Variants in SEMA5A observed in about 807,000 individuals in gnomAD.
SEMA5A encodes semaphorin-5A.
Under a neutral mutation model 135.5 loss-of-function variants are expected in SEMA5A, and 55 were observed. That is an observed-to-expected ratio of 0.41 (90% CI 0.33 to 0.51). The LOEUF (loss-of-function observed/expected upper bound fraction) is 0.51, where lower values mean the gene tolerates loss of function less well. SEMA5A is among the 20% of genes least tolerant of loss of function. The pLI, the probability that SEMA5A is intolerant of heterozygous loss-of-function variation, is 0.37. For synonymous variants in SEMA5A, 580 were observed against 546.5 expected, an observed-to-expected ratio of 1.06 and a Z score of -0.85; for missense variants, 1,290 against 1,419.9, an observed-to-expected ratio of 0.91 and a Z score of 1.47.
chr5:9,066,370 T>C (rs1271397711), intron 17 of SEMA5A, 51 bp downstream of exon 17: 1 of 1,562,016 alleles, frequency 6.4e-7, no homozygotes. Context: ...AGAGAAAAGA[T>C]CAAAGGCCCT....
At chr5:9,149,266 C>T (rs1191575821) in intron 12 of SEMA5A, among the ~76,000 whole-genome samples, 4 of 152,194 alleles carry the variant, frequency 2.6e-5, no homozygotes, top group African/African-American at 9.6e-5. Flanking sequence ...GTGCAGCCTA[C>T]AAGTGTTTCT....
chr5:9,519,875 G>A (rs1278515469), intron 1 of SEMA5A: 1 of 152,148 alleles, frequency 6.6e-6, no homozygotes, highest in African/African-American at 2.4e-5. Flanking sequence ...AATGAACTCT[G>A]ACATATTTCT....
chr5:9,490,868 C>T (rs186143418), intron 1 of SEMA5A, among the ~76,000 whole-genome samples: 1 of 152,306 alleles, frequency 6.6e-6, no homozygotes, highest in East Asian at 1.9e-4. Flanking sequence ...TGGCAATTGG[C>T]CAATGCTCAG....
intron 1 of SEMA5A, among the ~76,000 whole-genome samples, chr5:9,451,514 C>T (rs1758643948): frequency 6.6e-6 from 1 of 152,150 alleles, no homozygotes. Flanking sequence ...GTAAAAGAGC[C>T]ATAGTCAGAA....
intron 11 of SEMA5A, 74 bp from the exon 12 acceptor site, chr5:9,154,769 T>G: frequency 7.8e-7 from 1 of 1,275,490 alleles, no homozygotes; most frequent in Non-Finnish European, 1.1e-6. Context: ...AAACAGAGTG[T>G]GCTGTGTATG....
intron 1 of SEMA5A, among the ~76,000 whole-genome samples, chr5:9,531,641 T>C (rs1196252876): frequency 6.6e-6 from 1 of 152,162 alleles, no homozygotes; most frequent in East Asian, 1.9e-4. Context: ...CCTGCAACAT[T>C]GGTTCAGGTC....
chr5:9,446,557 G>T (rs1579554766), intron 1 of SEMA5A, among the ~76,000 whole-genome samples: 1 of 152,006 alleles, frequency 6.6e-6, no homozygotes, highest in Non-Finnish European at 1.5e-5. Context: ...AGGACAGCCG[G>T]CCTCTGGGCT....
In SEMA5A at chr5:9,190,485, C is replaced by T. The variant is rs200900361; in HGVS notation, c.1069-14G>A. ...CACGGTGCCACACTGAAAGGGAAGA[C>T]GGGCCAGGTTACCAGAGCCGGCAGC... On this transcript the variant is annotated splice_polypyrimidine_tract_variant and intron_variant, in intron 10 of 22. Coordinates refer to ENST00000382496, the MANE Select transcript of SEMA5A (RefSeq NM_003966.3). The T allele has an allele frequency of 2.6e-4, 419 of 1,611,592 alleles. No homozygotes were observed. Among genetic ancestry groups the T allele is most frequent in the African/African-American group, 8.5e-4 (64 of 74,984 alleles).
chr5:9,209,166 T>G (rs1323499261), intron 8 of SEMA5A, among the ~76,000 whole-genome samples: 1 of 152,174 alleles, frequency 6.6e-6, no homozygotes, highest in Non-Finnish European at 1.5e-5. Flanking sequence ...CCTACAATTC[T>G]CCATATCTTT....
At chr5:9,470,904 G>A (rs1192077893) in intron 1 of SEMA5A, among the ~76,000 whole-genome samples, 1 of 152,210 alleles carries the variant, frequency 6.6e-6, no homozygotes, top group Admixed American at 6.5e-5. Flanking sequence ...AGAAACTGAT[G>A]CAGATTTTAA....
intron 12 of SEMA5A, among the ~76,000 whole-genome samples, chr5:9,137,909 T>A (rs955402805): frequency 2.6e-5 from 4 of 152,196 alleles, no homozygotes; most frequent in Admixed American, 2.6e-4. Context: ...ATTAATACAG[T>A]ACCTCAATTA....
chr5:9,184,261 T>A (rs536543285), intron 11 of SEMA5A, among the ~76,000 whole-genome samples: 19 of 152,048 alleles, frequency 1.2e-4, no homozygotes, highest in Admixed American at 9.8e-4. Context: ...TTTTAGTTTT[T>A]TTTTTCCTCC....
At chr5:9,099,307 CAT>C (rs1739495676) in intron 16 of SEMA5A, among the ~76,000 whole-genome samples, 2 of 152,164 alleles carry the variant, frequency 1.3e-5, no homozygotes, top group African/African-American at 4.8e-5. Flanking sequence ...CCTTTAACAA[CAT>C]GTGGCATTTT....
intron 5 of SEMA5A, among the ~76,000 whole-genome samples, chr5:9,255,624 A>C (rs1156988060): frequency 6.6e-6 from 1 of 152,168 alleles, no homozygotes; most frequent in Non-Finnish European, 1.5e-5. Context: ...GCTCCTTCTC[A>C]GTCTCCTTTA....
intron 1 of SEMA5A, among the ~76,000 whole-genome samples, chr5:9,490,575 G>A (rs1017762440): frequency 2.6e-5 from 4 of 151,986 alleles, no homozygotes; most frequent in Admixed American, 6.6e-5. Flanking sequence ...CCTCTTTCAG[G>A]GCAATATCCA....
At chr5:9,052,907 C>T (rs889959361) in intron 19 of SEMA5A, among the ~76,000 whole-genome samples, 8 of 152,116 alleles carry the variant, frequency 5.3e-5, no homozygotes, top group Non-Finnish European at 1.0e-4. Flanking sequence ...TAAATAGAAG[C>T]ATCCACTTTG....
chr5:9,163,877 C>A (rs1743433795), intron 11 of SEMA5A, among the ~76,000 whole-genome samples: 1 of 151,624 alleles, frequency 6.6e-6, no homozygotes, highest in African/African-American at 2.4e-5. Flanking sequence ...ACAGCTTGAT[C>A]TTGCACTTCC....
At chr5:9,500,918 A>C (rs918720964) in intron 1 of SEMA5A, among the ~76,000 whole-genome samples, 7 of 152,176 alleles carry the variant, frequency 4.6e-5, no homozygotes, top group Non-Finnish European at 1.0e-4. Context: ...CTGTATGAGA[A>C]TCTTTCATCA....
chr5:9,489,268 ATAC>A (rs1734883844), intron 1 of SEMA5A, among the ~76,000 whole-genome samples: 5 of 131,752 alleles, frequency 3.8e-5, no homozygotes, highest in African/African-American at 1.4e-4. Context: ...ATATATATAT[ATAC>A]CTGCTCTCAG....
Sources: allele counts gnomAD v4.1 joint callset (sites outside exome capture counted in the v4.1 genomes callset), GRCh38; gene constraint gnomAD v4.1.1; transcripts MANE v1.5; gene names NCBI Gene and HGNC (gene_info 2026-07-23, HGNC 2026-07-21).